The following CA10 variants were observed in gnomAD, a reference collection of about 807,000 sequenced individuals.
CA10 encodes carbonic anhydrase-related protein 10.
Under a neutral mutation model 44.2 loss-of-function variants are expected in CA10, and 14 were observed. The observed-to-expected ratio is 0.32, with a 90% CI of 0.21 to 0.50. The LOEUF is 0.50. CA10 is among the 20% of genes least tolerant of loss of function. The pLI, the probability that CA10 is intolerant of heterozygous loss-of-function variation, is 0.99. For synonymous variants in CA10, 159 were observed against 141.6 expected (o/e 1.12, Z -0.87); for missense variants, 350 against 409.7 (o/e 0.85, Z 1.26).
chr17:51,966,165 A>C (rs916218986), intron 2 of CA10, among the ~76,000 whole-genome samples: 2 of 151,846 alleles, frequency 1.3e-5, no homozygotes, highest in Admixed American at 1.3e-4. Flanking sequence ...AGGAGGTGAG[A>C]GATCTCTACA....
intron 3 of CA10, among the ~76,000 whole-genome samples, chr17:51,779,105 TC>T (rs1905941313): frequency 6.6e-6 from 1 of 152,102 alleles, no homozygotes. Context: ...GAAGGGGACT[TC>T]CAGGGTGCAA....
At chr17:51,792,844 C>A (rs767364527) in intron 3 of CA10, among the ~76,000 whole-genome samples, 31 of 152,164 alleles carry the variant, frequency 2.0e-4, no homozygotes, top group Non-Finnish European at 4.0e-4. Flanking sequence ...TTAACATTAT[C>A]TCAAATTCGC....
At chr17:52,012,425 T>C (rs1269145928) in intron 2 of CA10, among the ~76,000 whole-genome samples, 1 of 151,986 alleles carries the variant, frequency 6.6e-6, no homozygotes, top group East Asian at 1.9e-4. Flanking sequence ...ACACACTGTC[T>C]CCTATTATTT....
intron 3 of CA10, among the ~76,000 whole-genome samples, chr17:51,844,870 C>T (rs922243788): frequency 6.6e-6 from 1 of 152,128 alleles, no homozygotes; most frequent in Admixed American, 6.5e-5. Context: ...TCCATCAGAA[C>T]CTCAGAATGT....
At chr17:51,940,794 T>C (rs974360672) in intron 2 of CA10, among the ~76,000 whole-genome samples, 6 of 152,046 alleles carry the variant, frequency 3.9e-5, no homozygotes, top group Non-Finnish European at 5.9e-5. Context: ...CTCCCTAACC[T>C]GGTGCCCTGA....
intron 3 of CA10, among the ~76,000 whole-genome samples, chr17:51,868,251 G>A (rs1379866861): frequency 6.6e-6 from 1 of 152,146 alleles, no homozygotes; most frequent in Non-Finnish European, 1.5e-5. Context: ...TTAATGAAAT[G>A]GGAATTTAAA....
intron 4 of CA10, among the ~76,000 whole-genome samples, chr17:51,727,082 A>G (rs1251389159): frequency 6.6e-6 from 1 of 152,062 alleles, no homozygotes; most frequent in African/African-American, 2.4e-5. Context: ...AAACCTCTTC[A>G]TCTCTCTCCC....
chr17:51,895,932 CATAAA>C (rs757419581), intron 3 of CA10, among the ~76,000 whole-genome samples: 1 of 151,842 alleles, frequency 6.6e-6, no homozygotes, highest in Non-Finnish European at 1.5e-5. Flanking sequence ...AGAATAAAAA[CATAAA>C]ATAAGAATAT....
intron 1 of CA10, among the ~76,000 whole-genome samples, chr17:52,080,162 G>T (rs1227304176): frequency 6.6e-6 from 1 of 152,122 alleles, no homozygotes; most frequent in African/African-American, 2.4e-5. Context: ...CTATTTTTAA[G>T]AAGTTCAAGG....
chr17:52,068,179 A>G (rs955163414), intron 2 of CA10, among the ~76,000 whole-genome samples: 4 of 152,166 alleles, frequency 2.6e-5, no homozygotes, highest in Non-Finnish European at 4.4e-5. Context: ...CAGGTGAAGT[A>G]ATTGGATCTT....
At chr17:51,976,097 A>G (rs948026238) in intron 2 of CA10, among the ~76,000 whole-genome samples, 2 of 152,196 alleles carry the variant, frequency 1.3e-5, no homozygotes, top group African/African-American at 4.8e-5. Flanking sequence ...TGAAAGTGAC[A>G]ACTCATCAAG....
At chr17:51,684,062 G>A (rs1373427336) in intron 4 of CA10, among the ~76,000 whole-genome samples, 1 of 152,246 alleles carries the variant, frequency 6.6e-6, no homozygotes, top group East Asian at 1.9e-4. Context: ...AGGGTCTTGA[G>A]AAGAAGGGGG....
chr17:51,665,436 T>TA (rs1914172627), intron 4 of CA10, among the ~76,000 whole-genome samples: 1 of 152,122 alleles, frequency 6.6e-6, no homozygotes, highest in South Asian at 2.1e-4. Flanking sequence ...ATGGAGATTT[T>TA]AAGGACAGGG....
chr17:52,011,129 ATGTT>A (rs1263539186), intron 2 of CA10, among the ~76,000 whole-genome samples: 1 of 151,986 alleles, frequency 6.6e-6, no homozygotes, highest in East Asian at 1.9e-4. Flanking sequence ...GATTTGAAGA[ATGTT>A]TGTTAAGAAT....
intron 2 of CA10, among the ~76,000 whole-genome samples, chr17:52,049,379 CATA>C (rs1392688835): frequency 6.6e-6 from 1 of 152,060 alleles, no homozygotes; most frequent in Non-Finnish European, 1.5e-5. Flanking sequence ...GGCCAACAAT[CATA>C]ATAATTCCTT....
intron 1 of CA10, among the ~76,000 whole-genome samples, chr17:52,112,150 G>T (rs925973285): frequency 6.6e-6 from 1 of 150,702 alleles, no homozygotes; most frequent in African/African-American, 2.4e-5. Flanking sequence ...TTTCATTTTA[G>T]TTCTATTAGG....
chr17:52,123,634 G>A (rs1315288682), intron 1 of CA10, among the ~76,000 whole-genome samples: 3 of 152,140 alleles, frequency 2.0e-5, no homozygotes, highest in Non-Finnish European at 4.4e-5. Context: ...ATTGATCGAA[G>A]CCTGACATAA....
chr17:52,116,651 A>G (rs1310141668), intron 1 of CA10, among the ~76,000 whole-genome samples: 2 of 152,180 alleles, frequency 1.3e-5, no homozygotes, highest in Non-Finnish European at 2.9e-5. Context: ...GAAAGGGACC[A>G]GGGGTGCCTG....
At chr17:52,041,888 G>T (rs1004838088) in intron 2 of CA10, among the ~76,000 whole-genome samples, 4 of 151,924 alleles carry the variant, frequency 2.6e-5, no homozygotes, top group Admixed American at 2.0e-4. Context: ...TGTCCTCCAG[G>T]TTCATTCATG....
Sources: allele counts gnomAD v4.1 joint callset (sites outside exome capture counted in the v4.1 genomes callset), GRCh38; gene constraint gnomAD v4.1.1; transcripts MANE v1.5; gene names NCBI Gene and HGNC (gene_info 2026-07-23, HGNC 2026-07-21).